Variants in FRRS1 observed in about 807,000 individuals in gnomAD.
FRRS1 encodes the protein ferric reductase 1.
FRRS1 carries 51 observed loss-of-function variants against 70.7 expected under a neutral mutation model. The ratio of observed to expected loss-of-function variants is 0.72; its 90% CI spans 0.58 to 0.91. The LOEUF (loss-of-function observed/expected upper bound fraction) is 0.91. Among genes scored for constraint, FRRS1 ranks in the 40% least tolerant of loss-of-function variants. The pLI is 0.00. For synonymous variants in FRRS1, 225 were observed against 238.7 expected (o/e 0.94, Z 0.53); for missense variants, 672 against 726.0 (o/e 0.93, Z 0.86).
chr1:99,744,064 T>TAAAAAAAAAAAAAA (rs112254806), intron 4 of FRRS1, among the ~76,000 whole-genome samples: 1 of 124,358 alleles, frequency 8.0e-6, no homozygotes. Flanking sequence ...AGAACGATTG[T>TAAAAAAAAAAAAAA]AAAAAAAAAA....
At chr1:99,740,411 A>G (rs1174960914) in intron 6 of FRRS1, among the ~76,000 whole-genome samples, 1 of 152,186 alleles carries the variant, frequency 6.6e-6, no homozygotes, top group East Asian at 1.9e-4. Context: ...AAAACGTGCT[A>G]CCACTACCCA....
chr1:99,751,324 C>T (rs1192635960), intron 1 of FRRS1, among the ~76,000 whole-genome samples: 1 of 152,092 alleles, frequency 6.6e-6, no homozygotes, highest in Non-Finnish European at 1.5e-5. Context: ...TCCTAGTTCT[C>T]CAACTTGTAG....
At chr1:99,729,122 TTAAG>T (rs1655216226) in intron 8 of FRRS1, among the ~76,000 whole-genome samples, 1 of 152,242 alleles carries the variant, frequency 6.6e-6, no homozygotes, top group African/African-American at 2.4e-5. Context: ...TTTGCTGTCA[TTAAG>T]TGATAGCTAC....
At chr1:99,752,275 T>C (rs1281981902) in intron 1 of FRRS1, among the ~76,000 whole-genome samples, 1 of 152,256 alleles carries the variant, frequency 6.6e-6, no homozygotes, top group Admixed American at 6.5e-5. Flanking sequence ...TCAGCCACTC[T>C]TGGCTTTTGG....
intron 7 of FRRS1, among the ~76,000 whole-genome samples, chr1:99,734,723 A>G (rs75070424): frequency 0.04 from 6,025 of 152,290 alleles, 400 homozygotes; most frequent in African/African-American, 0.14. Flanking sequence ...GCCATCAACA[A>G]TGGTAGGTGC....
At position 99,708,256 on chromosome 1, in the gene FRRS1, G is replaced by C. The variant is rs1300445563; in HGVS notation, c.*772C>G. On this transcript the variant is annotated 3_prime_UTR_variant, in exon 17 of 17. Transcript: ENST00000646001. ...GTCCACAGACCATTCAGATAAACTA[G>C]TAAAAATAGTTTTTCTTTAAAGTAC... is the stretch of plus-strand genomic sequence containing the variant. 1.3e-5 allele frequency among the ~76,000 whole-genome samples: 2 copies of C among 152,116 alleles called. No individual in the cohort carries two copies. The highest frequency in any genetic ancestry group is 2.9e-5 in the Non-Finnish European group (2 of 68,018).
chr1:99,760,266 G>A (rs1461725175), intron 1 of FRRS1, among the ~76,000 whole-genome samples: 4 of 152,154 alleles, frequency 2.6e-5, no homozygotes, highest in African/African-American at 9.7e-5. Context: ...ATTGGGCTTA[G>A]ATAAACTGAG....
chr1:99,759,730 G>C (rs758771369), intron 1 of FRRS1, among the ~76,000 whole-genome samples: 1 of 152,176 alleles, frequency 6.6e-6, no homozygotes, highest in Non-Finnish European at 1.5e-5. Context: ...CATAGAGAAA[G>C]ACGAAAAGAA....
chr1:99,725,918 A>G (rs563712452), intron 9 of FRRS1, among the ~76,000 whole-genome samples: 1 of 152,242 alleles, frequency 6.6e-6, no homozygotes, highest in South Asian at 2.1e-4. Context: ...AAAAGTATAA[A>G]CCATTAAATC....
rs1571145108 is a variant in FRRS1 at position 99,747,497 on chromosome 1, T to C, written c.197-67A>G. 2.0e-5 allele frequency: 29 copies of C among 1,445,522 alleles called. No individual in the cohort carries two copies. The East Asian group carries it at 6.6e-4, about 33-fold the overall frequency. 89.5% of individuals were successfully genotyped at this position (1,445,522 alleles called of 1,614,324 possible). ...ATCAAAAAAAAATGTTTAGAGGTTGTACATTACAATTACAATGAGGTCTAC... is the reference window on the plus strand; with the variant it reads ...ATCAAAAAAAAATGTTTAGAGGTTGCACATTACAATTACAATGAGGTCTAC... On this transcript the variant is annotated intron_variant, in intron 3 of 16. Coordinates refer to ENST00000646001, the MANE Select transcript of FRRS1 (RefSeq NM_001361041.2).
At position 99,709,037 on chromosome 1, in the gene FRRS1, G is replaced by C. The variant is rs1654151333; in HGVS notation, c.1770C>G (p.Asn590Lys). 1 of 1,613,688 alleles carries C rather than the reference G, an allele frequency of 6.2e-7. No homozygotes were observed. The highest frequency in any genetic ancestry group is 1.1e-5 in the South Asian group (1 of 91,070). ...CAAGGTCTTTGCTTGCTCATAGATG[G>C]TTGATTGCAGATAAAAATATGATGA... ...TFLIIFLSAI[N>K]HL Residue 590 changes from asparagine (N) to lysine (K), a missense_variant, in exon 17 of 17, where the codon AAC (asparagine) becomes AAG (lysine). By Grantham distance (94) the Asn-to-Lys change is moderately conservative. Coordinates refer to ENST00000646001, the MANE Select transcript of FRRS1 (RefSeq NM_001361041.2).
At chr1:99,755,354 G>T (rs1656779883) in intron 1 of FRRS1, among the ~76,000 whole-genome samples, 1 of 151,952 alleles carries the variant, frequency 6.6e-6, no homozygotes, top group Non-Finnish European at 1.5e-5. Context: ...TTGAATCCAA[G>T]AGGTCAAAGC....
chr1:99,729,474 A>T (rs1344852389), intron 8 of FRRS1, among the ~76,000 whole-genome samples, 176 bp downstream of exon 8: 3 of 152,262 alleles, frequency 2.0e-5, no homozygotes, highest in Non-Finnish European at 2.9e-5. Context: ...AAACTTCTGA[A>T]GTGTAGAAAA....
chr1:99,724,355 T>C (rs1034345658), intron 9 of FRRS1, among the ~76,000 whole-genome samples: 4 of 152,228 alleles, frequency 2.6e-5, no homozygotes, highest in African/African-American at 7.2e-5. Context: ...GATTTCCTCA[T>C]TGTGAATTAC....
At position 99,725,637 on chromosome 1, in the gene FRRS1, C is replaced by T. The variant is rs1242681608; in HGVS notation, c.1006+2856G>A. Among the ~76,000 whole-genome samples, 5 of 152,344 alleles carry T rather than the reference C, an allele frequency of 3.3e-5. No individual in the cohort carries two copies. The East Asian group carries it at 7.7e-4, about 23-fold the overall frequency. On this transcript the variant is annotated intron_variant, in intron 9 of 16. Coordinates refer to ENST00000646001, the MANE Select transcript of FRRS1 (RefSeq NM_001361041.2). Reference sequence around the variant, plus strand: ...AGAGGAGCCAAGACAGAGATTTTCCCTCCCATGCCATCAGCACAGCAACAT... The same window carrying T: ...AGAGGAGCCAAGACAGAGATTTTCCTTCCCATGCCATCAGCACAGCAACAT...
chr1:99,753,004 G>T (rs2100990811), intron 1 of FRRS1, among the ~76,000 whole-genome samples: 1 of 152,174 alleles, frequency 6.6e-6, no homozygotes, highest in African/African-American at 2.4e-5. Flanking sequence ...CTTGAGTTCA[G>T]GAGTTCAAGA....
chr1:99,716,032 G>A (rs768491098), intron 11 of FRRS1, among the ~76,000 whole-genome samples: 1 of 152,162 alleles, frequency 6.6e-6, no homozygotes, highest in Non-Finnish European at 1.5e-5. Context: ...TGCTATGACA[G>A]GTGCAATGAG....
At chr1:99,756,536 G>A (rs1656843371) in intron 1 of FRRS1, among the ~76,000 whole-genome samples, 1 of 152,168 alleles carries the variant, frequency 6.6e-6, no homozygotes, top group South Asian at 2.1e-4. Flanking sequence ...ACAGAAGCAA[G>A]TGATGTTAAT....
At chr1:99,712,287 G>T in intron 13 of FRRS1, 124 bp from the exon 14 acceptor site, 1 of 938,814 alleles carries the variant, frequency 1.1e-6, no homozygotes, top group Non-Finnish European at 1.7e-6. Context: ...GCATTTTAAA[G>T]TATTTCAAAG....
Sources: allele counts gnomAD v4.1 joint callset (sites outside exome capture counted in the v4.1 genomes callset), GRCh38; gene constraint gnomAD v4.1.1; transcripts MANE v1.5; gene names NCBI Gene and HGNC (gene_info 2026-07-23, HGNC 2026-07-21).